Variants in CDH12 observed in about 807,000 individuals in gnomAD.
The protein encoded by CDH12 is cadherin 12.
In CDH12, 41 loss-of-function variants were observed where a neutral mutation model predicts 74.1. The ratio of observed to expected loss-of-function variants is 0.55; its 90% CI spans 0.43 to 0.72. The LOEUF is 0.72. Among genes scored for constraint, CDH12 ranks in the 30% least tolerant of loss-of-function variants. The pLI is 0.00. For missense variants in CDH12, 945 were observed against 977.2 expected (o/e 0.97, Z 0.44); for synonymous variants, 399 against 355.0 (o/e 1.12, Z -1.39).
chr5:22,532,882 T>A lies in CDH12; in HGVS notation c.-522-27518A>T, dbSNP rs139491672. 1.9e-4 allele frequency among the ~76,000 whole-genome samples: 29 copies of A among 152,078 alleles called. No individual in the cohort carries two copies. The East Asian group carries it at 5.6e-3, about 29-fold the overall frequency. On this transcript the variant is annotated intron_variant, in intron 1 of 14. Coordinates refer to ENST00000382254, the MANE Select transcript of CDH12 (RefSeq NM_004061.5). The stretch of plus-strand genomic sequence containing the variant: ...CTAAATAATAAGTCTATCTTCTGCA[T>A]AACAAAATGTCATTATTCCACTCAA...
At chr5:22,163,959 C>T (rs1016639443) in intron 4 of CDH12, among the ~76,000 whole-genome samples, 3 of 152,138 alleles carry the variant, frequency 2.0e-5, no homozygotes, top group African/African-American at 7.2e-5. Flanking sequence ...ATTTCATACT[C>T]ATATAGTTAC....
At chr5:22,370,358 T>C (rs1429812801) in intron 3 of CDH12, among the ~76,000 whole-genome samples, 1 of 152,148 alleles carries the variant, frequency 6.6e-6, no homozygotes, top group Non-Finnish European at 1.5e-5. Context: ...CTGATAACTG[T>C]AAGCAAAGAA....
At chr5:22,401,738 A>C (rs1742737771) in intron 3 of CDH12, among the ~76,000 whole-genome samples, 1 of 152,178 alleles carries the variant, frequency 6.6e-6, no homozygotes, top group Non-Finnish European at 1.5e-5. Context: ...AGATCTAATT[A>C]AAGCAAATAC....
intron 1 of CDH12, among the ~76,000 whole-genome samples, chr5:22,821,083 C>A (rs371743093): frequency 6.6e-6 from 1 of 151,726 alleles, no homozygotes. Flanking sequence ...GTTCAACATA[C>A]GCAAATCAAT....
chr5:22,247,781 G>A (rs533958632), intron 3 of CDH12, among the ~76,000 whole-genome samples: 2 of 152,238 alleles, frequency 1.3e-5, no homozygotes, highest in East Asian at 3.9e-4. Context: ...TTAGTGTCTA[G>A]TGCACTATTT....
chr5:22,314,724 T>C (rs1232860177), intron 3 of CDH12, among the ~76,000 whole-genome samples: 1 of 151,948 alleles, frequency 6.6e-6, no homozygotes, highest in African/African-American at 2.4e-5. Flanking sequence ...TCAGAAGGAT[T>C]GTAAAGTTAC....
chr5:22,489,394 T>A (rs538063505), intron 2 of CDH12, among the ~76,000 whole-genome samples: 94 of 152,000 alleles, frequency 6.2e-4, no homozygotes, highest in African/African-American at 2.1e-3. Context: ...AAAACTGCAA[T>A]CACTTTCACA....
chr5:21,922,299 C>A (rs1163380753), intron 6 of CDH12, among the ~76,000 whole-genome samples: 1 of 151,982 alleles, frequency 6.6e-6, no homozygotes, highest in Non-Finnish European at 1.5e-5. Flanking sequence ...ATCTAAGAAC[C>A]AGTGAATAAG....
At chr5:22,572,391 C>T (rs537938511) in intron 1 of CDH12, among the ~76,000 whole-genome samples, 35 of 152,230 alleles carry the variant, frequency 2.3e-4, no homozygotes, top group African/African-American at 8.2e-4. Context: ...GTATCAAAGG[C>T]TGTCTCTCTT....
At chr5:22,070,561 G>A (rs1741870626) in intron 5 of CDH12, among the ~76,000 whole-genome samples, 1 of 152,174 alleles carries the variant, frequency 6.6e-6, no homozygotes, top group South Asian at 2.1e-4. Context: ...TGAGCAAGAA[G>A]GAGTTCTTCC....
intron 5 of CDH12, among the ~76,000 whole-genome samples, chr5:22,041,533 C>G (rs115660846): frequency 0.022 from 3,409 of 152,124 alleles, 127 homozygotes; most frequent in African/African-American, 0.077. Flanking sequence ...ACTTATATAA[C>G]AAACAACAGA....
intron 1 of CDH12, among the ~76,000 whole-genome samples, chr5:22,840,579 A>G (rs115317768): frequency 0.02 from 3,088 of 151,476 alleles, 54 homozygotes; most frequent in Middle Eastern, 0.043. Flanking sequence ...GTTTACAGAT[A>G]TATAGCAAAC....
intron 1 of CDH12, among the ~76,000 whole-genome samples, chr5:22,681,725 C>A (rs1484260470): frequency 6.6e-6 from 1 of 152,100 alleles, no homozygotes; most frequent in Admixed American, 6.6e-5. Context: ...TAAAAAAGAT[C>A]TGAAACATTG....
At chr5:22,691,953 C>T (rs1742106429) in intron 1 of CDH12, among the ~76,000 whole-genome samples, 2 of 152,120 alleles carry the variant, frequency 1.3e-5, no homozygotes. Flanking sequence ...TTAACTCTCC[C>T]ATTAACATAA....
At chr5:22,671,306 T>G (rs956653708) in intron 1 of CDH12, among the ~76,000 whole-genome samples, 4 of 152,136 alleles carry the variant, frequency 2.6e-5, no homozygotes, top group Non-Finnish European at 5.9e-5. Flanking sequence ...ACTGCTTAAA[T>G]TTTTAAGTGT....
At chr5:22,274,305 CAAT>C (rs965219536) in intron 3 of CDH12, among the ~76,000 whole-genome samples, 142 of 152,052 alleles carry the variant, frequency 9.3e-4, no homozygotes, top group African/African-American at 3.3e-3. Flanking sequence ...AAAATACAAA[CAAT>C]AACAAAATAA....
intron 1 of CDH12, chr5:22,580,351 C>A: frequency 2.2e-6 from 1 of 461,254 alleles, no homozygotes. Context: ...TTCAAGTCAC[C>A]AGCTCTGAAA....
intron 3 of CDH12, among the ~76,000 whole-genome samples, chr5:22,387,171 C>G (rs1742032552): frequency 6.6e-6 from 1 of 151,798 alleles, no homozygotes; most frequent in Admixed American, 6.6e-5. Flanking sequence ...TGTTTATAAA[C>G]TCTTTGAACT....
At chr5:22,616,147 T>A (rs999396054) in intron 1 of CDH12, among the ~76,000 whole-genome samples, 1 of 151,994 alleles carries the variant, frequency 6.6e-6, no homozygotes, top group African/African-American at 2.4e-5. Context: ...CTCTATTGAG[T>A]CAAACATCTA....
Sources: allele counts gnomAD v4.1 joint callset (sites outside exome capture counted in the v4.1 genomes callset), GRCh38; gene constraint gnomAD v4.1.1; transcripts MANE v1.5; gene names NCBI Gene and HGNC (gene_info 2026-07-23, HGNC 2026-07-21).